ANKRD11: variants seen among roughly 807,000 people sequenced by gnomAD.
The protein encoded by ANKRD11 is ankyrin repeat domain-containing protein 11.
In ANKRD11, 17 loss-of-function variants were observed where a neutral mutation model predicts 195.7. That is an observed-to-expected ratio of 0.09 (90% CI 0.06 to 0.13). ANKRD11 has a LOEUF of 0.13. Ranked by LOEUF, ANKRD11 falls within the 10% of genes least tolerant of loss-of-function variation. The pLI is 1.00. For synonymous variants in ANKRD11, 1,953 were observed against 1,528.1 expected (o/e 1.28, Z -6.49); for missense variants, 3,735 against 3,566.1 (o/e 1.05, Z -1.21).
Position 89,284,867 on chromosome 16 carries a change from A to G in ANKRD11, c.1675T>C (p.Trp559Arg). ...TCTGATAAAGAACTGACCTCTGACC[A>G]AGCCGGGGAAGAAATGGTTTTCCAA... Reference protein sequence around the residue: ...DNWKTISSPAWSEVSSLSDST... With the variant: ...DNWKTISSPARSEVSSLSDST... Residue 559 changes from tryptophan to arginine, a missense_variant, in exon 9 of 13, where the codon TGG (tryptophan) becomes CGG (arginine). Trp to Arg is a moderately radical substitution (Grantham distance 101). Coordinates refer to ENST00000301030, the MANE Select transcript of ANKRD11 (RefSeq NM_013275.6). The G allele has an allele frequency of 6.2e-7, 1 of 1,614,070 alleles. No individual in the cohort carries two copies. Among genetic ancestry groups the G allele is most frequent in the Non-Finnish European group, 8.5e-7 (1 of 1,180,026 alleles).
intron 2 of ANKRD11, among the ~76,000 whole-genome samples, chr16:89,385,184 TGGTG>T (rs2040855569): frequency 6.7e-6 from 1 of 149,202 alleles, no homozygotes; most frequent in African/African-American, 2.5e-5. Context: ...CCTTGAGAAA[TGGTG>T]TTTTTTTGTT....
chr16:89,362,390 G>A (rs1027279792), intron 2 of ANKRD11, among the ~76,000 whole-genome samples: 2 of 152,186 alleles, frequency 1.3e-5, no homozygotes, highest in Non-Finnish European at 2.9e-5. Context: ...GAGCTGGAGA[G>A]AGTGCACGAA....
intron 2 of ANKRD11, among the ~76,000 whole-genome samples, chr16:89,385,158 G>C (rs185699901): frequency 1.3e-4 from 19 of 151,516 alleles, no homozygotes; most frequent in Admixed American, 1.2e-3. Context: ...TTACAGGCGT[G>C]AGCCACTGTA....
At chr16:89,457,293 A>G (rs2056482669) in intron 1 of ANKRD11, among the ~76,000 whole-genome samples, 1 of 150,634 alleles carries the variant, frequency 6.6e-6, no homozygotes, top group Non-Finnish European at 1.5e-5. Context: ...GTAGTATGTC[A>G]GACTCAAAAG....
chr16:89,479,055 C>G (rs1015008958), intron 1 of ANKRD11, among the ~76,000 whole-genome samples: 1 of 152,078 alleles, frequency 6.6e-6, no homozygotes, highest in Non-Finnish European at 1.5e-5. Flanking sequence ...GCCTCAAGAC[C>G]CACACCTTTG....
At chr16:89,278,098 C>A (rs548961609) in intron 9 of ANKRD11, 2 of 225,288 alleles carry the variant, frequency 8.9e-6, no homozygotes, top group African/African-American at 2.3e-5. Context: ...ACACAGTCCG[C>A]TAGGCACAGT....
chr16:89,361,169 G>A (rs1415254359), intron 2 of ANKRD11, among the ~76,000 whole-genome samples: 1 of 152,164 alleles, frequency 6.6e-6, no homozygotes, highest in Admixed American at 6.5e-5. Flanking sequence ...CTGAAACCCT[G>A]CTCAGCTACC....
intron 1 of ANKRD11, among the ~76,000 whole-genome samples, chr16:89,447,617 C>T (rs1194730585): frequency 6.6e-6 from 1 of 152,120 alleles, no homozygotes; most frequent in African/African-American, 2.4e-5. Context: ...TGTCCACATT[C>T]CACCTGTTCT....
Position 89,317,064 on chromosome 16 carries a change from A to T in ANKRD11, c.-45T>A, listed in dbSNP as rs755295105. On this transcript the variant is annotated 5_prime_UTR_variant, in exon 3 of 13. An upstream start codon of the reference 5' UTR is lost. Coordinates refer to ENST00000301030, the MANE Select transcript of ANKRD11 (RefSeq NM_013275.6). ...TCTTCATTTACACGGCCGGCGCTTC[A>T]TCATCAACCGTCTGCTTCAAAAGAG... is the stretch of plus-strand genomic sequence containing the variant. 5 of 1,582,138 alleles carry T rather than the reference A, an allele frequency of 3.2e-6. No individual in the cohort carries two copies. The Admixed American group carries it at 8.7e-5, about 28-fold the overall frequency.
At chr16:89,426,826 C>T (rs17774983) in intron 1 of ANKRD11, among the ~76,000 whole-genome samples, 2,169 of 152,294 alleles carry the variant, frequency 0.014, 25 homozygotes, top group Non-Finnish European at 0.022. Context: ...ATCCGGGAAG[C>T]GGCTGTTTCA....
At position 89,427,792 on chromosome 16, in the gene ANKRD11, CA is replaced by C. The variant is rs200243203; in HGVS notation, c.-144-9425del. ...CCAGCCTGGGAGACAGAGTATGCCTCAAAAAAAAAAAAGTCTAGTAATCGTA... is the reference window on the plus strand; with the variant it reads ...CCAGCCTGGGAGACAGAGTATGCCTCAAAAAAAAAAAGTCTAGTAATCGTA... On this transcript the variant is annotated intron_variant, in intron 1 of 12. Transcript: ENST00000301030. 4.5e-3 allele frequency among the ~76,000 whole-genome samples: 586 copies of C among 130,736 alleles called. No individual in the cohort carries two copies. The highest frequency in any genetic ancestry group is 0.015 in the African/African-American group (513 of 35,302). The allele number at this position is 130,736 out of a possible 152,430, so 85.8% of individuals were successfully genotyped here.
intron 4 of ANKRD11, among the ~76,000 whole-genome samples, chr16:89,292,624 C>G (rs2035136544): frequency 6.6e-6 from 1 of 152,214 alleles, no homozygotes; most frequent in Admixed American, 6.5e-5. Flanking sequence ...GGGCAAAACC[C>G]CAAGTACTGC....
intron 1 of ANKRD11, among the ~76,000 whole-genome samples, chr16:89,457,343 A>C (rs1194594454): frequency 6.6e-6 from 1 of 151,426 alleles, no homozygotes; most frequent in Non-Finnish European, 1.5e-5. Flanking sequence ...TCACGCCTGT[A>C]ATCTCAGCAC....
intron 2 of ANKRD11, among the ~76,000 whole-genome samples, chr16:89,389,469 TTAG>T (rs1336165097): frequency 6.6e-6 from 1 of 151,110 alleles, no homozygotes; most frequent in Non-Finnish European, 1.5e-5. Context: ...GAAGGCAAAA[TTAG>T]TAGATGGAGA....
chr16:89,384,878 T>TC (rs2040832374), intron 2 of ANKRD11, among the ~76,000 whole-genome samples: 3 of 118,132 alleles, frequency 2.5e-5, no homozygotes, highest in African/African-American at 1.0e-4. Context: ...GAAATAGTTT[T>TC]CTTTTTTTTT....
At chr16:89,372,794 T>C (rs1424397525) in intron 2 of ANKRD11, 1 of 152,178 alleles carries the variant, frequency 6.6e-6, no homozygotes, top group Non-Finnish European at 1.5e-5. Context: ...TAAACAAATG[T>C]TGAGAGTCAG....
chr16:89,460,941 TAAGAG>T (rs924393450), intron 1 of ANKRD11, among the ~76,000 whole-genome samples: 27 of 128,680 alleles, frequency 2.1e-4, no homozygotes, highest in African/African-American at 7.3e-4. Flanking sequence ...GTGACATTCA[TAAGAG>T]AAGAAAGGAC....
intron 2 of ANKRD11, among the ~76,000 whole-genome samples, chr16:89,361,914 CG>C (rs1471577959): frequency 1.3e-5 from 2 of 152,184 alleles, no homozygotes; most frequent in African/African-American, 4.8e-5. Context: ...AAAGGTCAGA[CG>C]GGGCAGCAAT....
At chr16:89,380,567 G>A (rs1186011795) in intron 2 of ANKRD11, among the ~76,000 whole-genome samples, 2 of 152,138 alleles carry the variant, frequency 1.3e-5, no homozygotes, top group African/African-American at 2.4e-5. Flanking sequence ...GGACCTGCCC[G>A]CTGCCTTGGG....
Sources: allele counts gnomAD v4.1 joint callset (sites outside exome capture counted in the v4.1 genomes callset), GRCh38; gene constraint gnomAD v4.1.1; transcripts MANE v1.5; gene names NCBI Gene and HGNC (gene_info 2026-07-23, HGNC 2026-07-21).